The following COL22A1 variants were observed in gnomAD, a reference collection of about 807,000 sequenced individuals.
COL22A1 encodes the protein collagen alpha-1(XXII) chain.
In COL22A1, 221 loss-of-function variants were observed where a neutral mutation model predicts 248.9. That is an observed-to-expected ratio of 0.89 (90% CI 0.80 to 0.99). COL22A1 has a LOEUF of 0.99. Ranked by LOEUF, COL22A1 falls within the 50% of genes least tolerant of loss-of-function variation. The probability of loss-of-function intolerance (pLI) is 0.00; values close to 1 mark genes in which losing one functional copy is unlikely to be tolerated. For synonymous variants in COL22A1, 891 were observed against 793.4 expected (o/e 1.12, Z -2.07); for missense variants, 2,240 against 2,179.0 (o/e 1.03, Z -0.56).
chr8:138,754,236 G>T (rs545783792), intron 21 of COL22A1, among the ~76,000 whole-genome samples: 1 of 142,840 alleles, frequency 7.0e-6, no homozygotes, highest in Non-Finnish European at 1.5e-5. Flanking sequence ...TGCATTCTCT[G>T]CATTATCTAG....
At chr8:138,604,645 G>A (rs1193297010) in intron 59 of COL22A1, 89 bp downstream of exon 59, 4 of 1,069,984 alleles carry the variant, frequency 3.7e-6, no homozygotes, top group Non-Finnish European at 5.8e-6. Context: ...GGCAAGTGTG[G>A]GCCCTTCTAA....
At chr8:138,647,753 A>C (rs1292044033) in intron 46 of COL22A1, among the ~76,000 whole-genome samples, 1 of 152,210 alleles carries the variant, frequency 6.6e-6, no homozygotes, top group Non-Finnish European at 1.5e-5. Context: ...GGTTCTGAAC[A>C]TCAGAATCAC....
chr8:138,596,483 T>C (rs533418502), intron 62 of COL22A1, among the ~76,000 whole-genome samples: 1 of 152,312 alleles, frequency 6.6e-6, no homozygotes, highest in Non-Finnish European at 1.5e-5. Context: ...CTGTGACAAA[T>C]AAAATTTAAG....
rs916498177 is a variant in COL22A1 at position 138,655,907 on chromosome 8, A to C, written c.3323T>G (p.Leu1108Arg). The change falls in exon 45 of 65, where the codon CTC (leucine) becomes CGC (arginine). Residue 1108 changes from leucine (L) to arginine (R), a missense_variant. Physicochemically the swap from Leu to Arg is moderately radical, Grantham distance 102. Transcript: ENST00000303045. Reference sequence around the variant, plus strand: ...ATTGTATGCTTTTACCTTAGCCAAGAGATTTATGTCCCCTGGAGACAGTAG... The same window carrying C: ...ATTGTATGCTTTTACCTTAGCCAAGCGATTTATGTCCCCTGGAGACAGTAG... ...SSLLSPGDIN[L>R]LAKDVCNDCP... The C allele has an allele frequency of 1.2e-6, 2 of 1,612,596 alleles. No homozygotes were observed. Among genetic ancestry groups the C allele is most frequent in the Non-Finnish European group, 1.7e-6 (2 of 1,178,688 alleles).
intron 3 of COL22A1, among the ~76,000 whole-genome samples, chr8:138,866,839 C>T (rs891804019): frequency 6.6e-6 from 1 of 152,080 alleles, no homozygotes; most frequent in Admixed American, 6.5e-5. Flanking sequence ...GAATATCTTT[C>T]ATTAGATGTC....
chr8:138,731,348 G>A (rs908930931), intron 23 of COL22A1, among the ~76,000 whole-genome samples: 2 of 152,088 alleles, frequency 1.3e-5, no homozygotes, highest in African/African-American at 4.8e-5. Context: ...AGCAGCCAAT[G>A]GTAGGAGGAA....
chr8:138,858,648 TCA>T (rs1235702589), intron 3 of COL22A1, among the ~76,000 whole-genome samples: 43 of 152,108 alleles, frequency 2.8e-4, no homozygotes, highest in Admixed American at 2.6e-3. Context: ...TTCTACAGGC[TCA>T]GAGAGGAGGA....
At chr8:138,870,974 C>G (rs1823294736) in intron 3 of COL22A1, among the ~76,000 whole-genome samples, 1 of 151,642 alleles carries the variant, frequency 6.6e-6, no homozygotes, top group African/African-American at 2.4e-5. Context: ...CCTGAGTTTA[C>G]CAGGGAGTCT....
At chr8:138,743,503 G>A (rs575830420) in intron 22 of COL22A1, among the ~76,000 whole-genome samples, 2 of 152,178 alleles carry the variant, frequency 1.3e-5, no homozygotes, top group South Asian at 4.2e-4. Context: ...TCGTGGTGAT[G>A]GTGATGGTGA....
At chr8:138,729,540 C>G (rs959110587) in intron 23 of COL22A1, among the ~76,000 whole-genome samples, 2 of 152,170 alleles carry the variant, frequency 1.3e-5, no homozygotes, top group African/African-American at 2.4e-5. Context: ...TAGCCATTTA[C>G]AGAGAGAGAG....
chr8:138,906,009 G>A (rs1441683383), intron 1 of COL22A1, among the ~76,000 whole-genome samples: 1 of 152,134 alleles, frequency 6.6e-6, no homozygotes, highest in Non-Finnish European at 1.5e-5. Flanking sequence ...CAGGCAGGGA[G>A]TGTTCCACTA....
At chr8:138,699,486 T>A (rs4545143) in intron 32 of COL22A1, among the ~76,000 whole-genome samples, 129,669 of 152,262 alleles carry the variant, frequency 0.85, 55,283 homozygotes, top group Non-Finnish European at 0.87. Flanking sequence ...GGCTTCAGCC[T>A]ACAGCATAAA....
At chr8:138,738,347 C>G (rs1381312347) in intron 22 of COL22A1, among the ~76,000 whole-genome samples, 1 of 152,150 alleles carries the variant, frequency 6.6e-6, no homozygotes, top group Non-Finnish European at 1.5e-5. Context: ...GTTTAATTTA[C>G]ATAATGTGGT....
intron 18 of COL22A1, among the ~76,000 whole-genome samples, chr8:138,759,483 G>A (rs1195951465): frequency 3.9e-5 from 6 of 152,156 alleles, no homozygotes; most frequent in Non-Finnish European, 5.9e-5. Context: ...TAGGAACCTG[G>A]AAGAATGTCA....
chr8:138,905,713 G>A lies in COL22A1; in HGVS notation c.-73+7906C>T, dbSNP rs117479916. On this transcript the variant is annotated intron_variant, in intron 1 of 64. Coordinates refer to ENST00000303045, the MANE Select transcript of COL22A1 (RefSeq NM_152888.3). ...ATTCACCCTAAACATCCACGTTATC[G>A]GACAAGACAGTTTCGTTCATGTTCT... Among the ~76,000 whole-genome samples, 7 of 152,180 alleles carry A rather than the reference G, an allele frequency of 4.6e-5. No homozygotes were observed. The East Asian group carries it at 7.7e-4, about 17-fold the overall frequency.
chr8:138,821,199 C>T lies in COL22A1; in HGVS notation c.1182G>A (p.Glu394=), dbSNP rs968012676. Reference sequence around the variant, plus strand: ...CAGTCTTGCCCTGGATGTCAATGTTCTCCCGTTCCTCGATGGGTAGTGTCT... The same window carrying T: ...CAGTCTTGCCCTGGATGTCAATGTTTTCCCGTTCCTCGATGGGTAGTGTCT... ...LVQTLPIEER[E]NIDIQGKTVI... The change falls in exon 7 of 65, where the codon GAG becomes GAA. Residue 394 remains glutamate (E), a synonymous_variant. Transcript: ENST00000303045. 1.9e-6 allele frequency: 3 copies of T among 1,614,100 alleles called. No individual in the cohort carries two copies. Among genetic ancestry groups the T allele is most frequent in the Non-Finnish European group, 2.5e-6 (3 of 1,180,048 alleles).
At chr8:138,709,452 G>A (rs976465898) in intron 30 of COL22A1, among the ~76,000 whole-genome samples, 3 of 151,998 alleles carry the variant, frequency 2.0e-5, no homozygotes, top group Non-Finnish European at 2.9e-5. Flanking sequence ...GGAATACTAC[G>A]CAGCCATAAA....
intron 18 of COL22A1, among the ~76,000 whole-genome samples, chr8:138,757,249 A>G (rs1339725335): frequency 6.6e-6 from 1 of 152,184 alleles, no homozygotes; most frequent in African/African-American, 2.4e-5. Flanking sequence ...AGACTCCCAC[A>G]AACCTTATTC....
At chr8:138,715,870 T>A in intron 29 of COL22A1, 135 bp from the exon 30 acceptor site, 1 of 679,262 alleles carries the variant, frequency 1.5e-6, no homozygotes, top group Non-Finnish European at 2.5e-6. Flanking sequence ...CCTTGCCTTA[T>A]CAGCAAAGTG....
Sources: allele counts gnomAD v4.1 joint callset (sites outside exome capture counted in the v4.1 genomes callset), GRCh38; gene constraint gnomAD v4.1.1; transcripts MANE v1.5; gene names NCBI Gene and HGNC (gene_info 2026-07-23, HGNC 2026-07-21).